Variants in PTPRJ observed in about 807,000 individuals in gnomAD.
PTPRJ encodes receptor-type tyrosine-protein phosphatase eta.
Under a neutral mutation model 141.3 loss-of-function variants are expected in PTPRJ, and 129 were observed. The ratio of observed to expected loss-of-function variants is 0.91; its 90% CI spans 0.79 to 1.06. PTPRJ has a LOEUF of 1.06. Among genes scored for constraint, PTPRJ ranks in the 50% least tolerant of loss-of-function variants. The pLI, the probability that PTPRJ is intolerant of heterozygous loss-of-function variation, is 0.00. For synonymous variants in PTPRJ, 610 were observed against 640.5 expected, an observed-to-expected ratio of 0.95 and a Z score of 0.72; for missense variants, 1,601 against 1,679.7, an observed-to-expected ratio of 0.95 and a Z score of 0.82.
chr11:48,002,959 A>C (rs1167842423), intron 1 of PTPRJ, among the ~76,000 whole-genome samples: 1 of 152,188 alleles, frequency 6.6e-6, no homozygotes, highest in Non-Finnish European at 1.5e-5. Context: ...AAAGGAAAAA[A>C]AAAAGCCCTT....
At chr11:48,100,422 G>A (rs376519802) in intron 1 of PTPRJ, among the ~76,000 whole-genome samples, 3 of 152,096 alleles carry the variant, frequency 2.0e-5, no homozygotes, top group African/African-American at 4.8e-5. Flanking sequence ...TGTGCCCCTC[G>A]TATGCTAAGT....
rs2134375410 is a variant in PTPRJ at position 48,150,163 on chromosome 11, G to A, written c.3118G>A (p.Gly1040Arg). 1 of 1,614,048 alleles carries A rather than the reference G, an allele frequency of 6.2e-7. No homozygotes were observed. The highest frequency in any genetic ancestry group is 2.2e-5 in the East Asian group (1 of 44,884). ...GAAGCAGCAAGCTGACTCCAACTGTGGGTTCGCAGAGGAATACGAAGTATG... is the reference window on the plus strand; with the variant it reads ...GAAGCAGCAAGCTGACTCCAACTGTAGGTTCGCAGAGGAATACGAAGTATG... ...FKKQQADSNCGFAEEYEDLKL... is the reference protein window; with the variant it reads ...FKKQQADSNCRFAEEYEDLKL... The change falls in exon 18 of 25, where the codon GGG becomes AGG. Residue 1040 changes from glycine (G) to arginine (R), a missense_variant. Transcript: ENST00000418331.
At chr11:48,106,293 A>G (rs1317887237) in intron 1 of PTPRJ, among the ~76,000 whole-genome samples, 2 of 152,102 alleles carry the variant, frequency 1.3e-5, no homozygotes, top group Non-Finnish European at 2.9e-5. Context: ...CGTAGATACA[A>G]CCCTGTTCTG....
At chr11:48,026,768 T>G (rs970174300) in intron 1 of PTPRJ, among the ~76,000 whole-genome samples, 3 of 151,534 alleles carry the variant, frequency 2.0e-5, no homozygotes, top group African/African-American at 7.3e-5. Context: ...TCTTTAGTGG[T>G]GATTTGTGAG....
chr11:48,054,458 A>G (rs1240674245), intron 1 of PTPRJ, among the ~76,000 whole-genome samples: 3 of 152,340 alleles, frequency 2.0e-5, no homozygotes, highest in African/African-American at 7.2e-5. Context: ...CTTATGTGCC[A>G]AGTAGTTTGT....
chr11:48,045,047 T>G (rs1241743212), intron 1 of PTPRJ, among the ~76,000 whole-genome samples: 1 of 152,212 alleles, frequency 6.6e-6, no homozygotes, highest in East Asian at 1.9e-4. Context: ...GTAGCACCTT[T>G]GGGGTACCCA....
At chr11:48,030,555 CAGCATGGCG>C (rs1853952562) in intron 1 of PTPRJ, among the ~76,000 whole-genome samples, 1 of 152,076 alleles carries the variant, frequency 6.6e-6, no homozygotes, top group African/African-American at 2.4e-5. Flanking sequence ...CCAGCCTGGC[CAGCATGGCG>C]AAACACCATC....
chr11:48,050,758 A>G (rs1003017341), intron 1 of PTPRJ, among the ~76,000 whole-genome samples: 5 of 152,066 alleles, frequency 3.3e-5, no homozygotes, highest in Admixed American at 3.3e-4. Flanking sequence ...ACTCTGTTGC[A>G]TGGATTCTGT....
intron 1 of PTPRJ, among the ~76,000 whole-genome samples, chr11:48,022,777 T>G (rs1853687878): frequency 6.6e-6 from 1 of 152,190 alleles, no homozygotes; most frequent in African/African-American, 2.4e-5. Context: ...GATTTTGGTT[T>G]GTGGGAAGAA....
chr11:48,029,766 TC>T (rs1853931014), intron 1 of PTPRJ, among the ~76,000 whole-genome samples: 1 of 152,238 alleles, frequency 6.6e-6, no homozygotes, highest in African/African-American at 2.4e-5. Context: ...CTTTCCCGCC[TC>T]AAGGCTATAG....
chr11:48,126,807 C>T lies in PTPRJ; in HGVS notation c.1094-973C>T, dbSNP rs868525718. Among the ~76,000 whole-genome samples, 58 of 125,362 alleles carry T rather than the reference C, an allele frequency of 4.6e-4. 1 individual carries two copies. The highest frequency in any genetic ancestry group is 1.9e-3 in the African/African-American group (54 of 28,586). The allele number at this position is 125,362 out of a possible 152,430, so 82.2% of individuals were successfully genotyped here. Reference sequence around the variant, plus strand: ...ACACACACACACACACACACACACACACACACACACACAGATAAACACACA... The same window carrying T: ...ACACACACACACACACACACACACATACACACACACACAGATAAACACACA... On this transcript the variant is annotated intron_variant, in intron 6 of 24. Transcript: ENST00000418331.
intron 1 of PTPRJ, among the ~76,000 whole-genome samples, chr11:48,028,785 C>T (rs1468391111): frequency 1.3e-5 from 2 of 152,158 alleles, no homozygotes; most frequent in Non-Finnish European, 2.9e-5. Flanking sequence ...GAGTGAAACT[C>T]CGTCTCAAAA....
intron 24 of PTPRJ, among the ~76,000 whole-genome samples, chr11:48,165,999 T>C (rs1857907723): frequency 6.6e-6 from 1 of 151,884 alleles, no homozygotes; most frequent in African/African-American, 2.4e-5. Flanking sequence ...TAGCTGGGAC[T>C]ACAGGCGTGT....
chr11:48,061,499 G>A (rs928275198), intron 1 of PTPRJ, among the ~76,000 whole-genome samples: 9 of 152,208 alleles, frequency 5.9e-5, no homozygotes, highest in Non-Finnish European at 1.3e-4. Flanking sequence ...AGGCAGTGCT[G>A]TGTCATGCAC....
chr11:48,110,124 C>G lies in PTPRJ; in HGVS notation c.115+48C>G, dbSNP rs1262474499. ...TTCTTGTGTTGTTCGCTACTGCCCC[C>G]TAATGGACACACAGCAACATTAACA... On this transcript the variant is annotated intron_variant, in intron 2 of 24. Coordinates refer to ENST00000418331, the MANE Select transcript of PTPRJ (RefSeq NM_002843.4). The G allele has an allele frequency of 1.9e-6, 3 of 1,569,856 alleles. No individual in the cohort carries two copies. The Admixed American group carries it at 5.1e-5, about 27-fold the overall frequency.
intron 11 of PTPRJ, among the ~76,000 whole-genome samples, chr11:48,140,623 C>T (rs1484607265): frequency 2.6e-5 from 4 of 152,100 alleles, no homozygotes; most frequent in Admixed American, 6.5e-5. Context: ...GCACTGCTGC[C>T]GCATACTTGC....
chr11:48,000,595 C>T (rs1049506315), intron 1 of PTPRJ, among the ~76,000 whole-genome samples: 8 of 152,090 alleles, frequency 5.3e-5, no homozygotes, highest in Non-Finnish European at 8.8e-5. Flanking sequence ...CTCCACCCTC[C>T]GACCTCATCC....
At chr11:48,009,667 TATA>T (rs1474024576) in intron 1 of PTPRJ, among the ~76,000 whole-genome samples, 6 of 152,226 alleles carry the variant, frequency 3.9e-5, no homozygotes, top group African/African-American at 1.4e-4. Context: ...TGTGGTGCAC[TATA>T]ATGTGGTGCT....
Position 48,123,694 on chromosome 11 carries a change from CT to C in PTPRJ, c.699del (p.Ala234ProfsTer16). The C allele has an allele frequency of 1.2e-6, 2 of 1,614,172 alleles. No homozygotes were observed. Among genetic ancestry groups the C allele is most frequent in the Non-Finnish European group, 1.7e-6 (2 of 1,180,014 alleles). On this transcript the variant is annotated frameshift_variant, in exon 5 of 25. Coordinates refer to ENST00000418331, the MANE Select transcript of PTPRJ (RefSeq NM_002843.4). LOFTEE classifies it high-confidence loss of function. ...CTCTCCTGGAGCAATGGCAATGGCACTGCCTCCTGCCGGGTTCTTCTTGAAA... is the reference window on the plus strand; with the variant it reads ...CTCTCCTGGAGCAATGGCAATGGCACGCCTCCTGCCGGGTTCTTCTTGAAA... ...AALSWSNGNG[T>X]ASCRVLLESI... is the part of the protein sequence containing the mutation.
Sources: allele counts gnomAD v4.1 joint callset (sites outside exome capture counted in the v4.1 genomes callset), GRCh38; gene constraint gnomAD v4.1.1; transcripts MANE v1.5; gene names NCBI Gene and HGNC (gene_info 2026-07-23, HGNC 2026-07-21).